Variants in STAT5B observed in about 807,000 individuals in gnomAD.
The protein encoded by STAT5B is signal transducer and activator of transcription 5B.
STAT5B carries 21 observed loss-of-function variants against 107.8 expected under a neutral mutation model. The observed-to-expected ratio is 0.19, with a 90% confidence interval of 0.14 to 0.28. The LOEUF (loss-of-function observed/expected upper bound fraction) is 0.28. Among genes scored for constraint, STAT5B ranks in the 10% least tolerant of loss-of-function variants. The pLI is 1.00. For synonymous variants in STAT5B, 325 were observed against 401.7 expected (o/e 0.81, Z 2.28); for missense variants, 565 against 1,008.2 (o/e 0.56, Z 5.95).
chr17:42,269,462 C>CTGGGG (rs2080703675), intron 1 of STAT5B: 1 of 152,156 alleles, frequency 6.6e-6, no homozygotes, highest in African/African-American at 2.4e-5. Flanking sequence ...CCAGTGAAGG[C>CTGGGG]TTTTAAAACT....
chr17:42,244,163 C>G (rs2080430634), intron 1 of STAT5B, among the ~76,000 whole-genome samples: 2 of 151,140 alleles, frequency 1.3e-5, no homozygotes. Flanking sequence ...TCACTGCTCA[C>G]TGCAGTCTCA....
chr17:42,268,422 A>G (rs922669721), intron 1 of STAT5B, among the ~76,000 whole-genome samples: 2 of 152,166 alleles, frequency 1.3e-5, no homozygotes, highest in East Asian at 1.9e-4. Context: ...AGTACCCTCT[A>G]TGATGGTACC....
At position 42,273,638 on chromosome 17, in the gene STAT5B, A is replaced by G. The variant is rs576378442; in HGVS notation, c.-11+2610T>C. Among the ~76,000 whole-genome samples, 14 of 152,342 alleles carry G rather than the reference A, an allele frequency of 9.2e-5. No individual in the cohort carries two copies. The South Asian group carries it at 2.5e-3, about 27-fold the overall frequency. ...TACAGACATTTTTGTAGGGCACGAA[A>G]ATAGTTAGGCTTCCTTCGATTCCAC... On this transcript the variant is annotated intron_variant, in intron 1 of 18. Transcript: ENST00000293328.
chr17:42,273,870 A>G (rs780191213), intron 1 of STAT5B, among the ~76,000 whole-genome samples: 1 of 152,240 alleles, frequency 6.6e-6, no homozygotes, highest in Non-Finnish European at 1.5e-5. Context: ...CTTAAGTATC[A>G]AAAAGTAATA....
At chr17:42,266,172 A>G (rs1213245370) in intron 1 of STAT5B, among the ~76,000 whole-genome samples, 2 of 152,114 alleles carry the variant, frequency 1.3e-5, no homozygotes, top group South Asian at 4.1e-4. Flanking sequence ...AAATTTACCA[A>G]TAAAACTGGA....
In STAT5B at chr17:42,212,403, T is replaced by C. The variant is rs141045566; in HGVS notation, c.1474-213A>G. The stretch of plus-strand genomic sequence containing the variant: ...TTACACACAACTAGAAGGTAACCCA[T>C]GCTATCCATGCTGTTTTGTAAATGA... On this transcript the variant is annotated intron_variant, in intron 12 of 18. Transcript: ENST00000293328. Among the ~76,000 whole-genome samples, 927 of 152,362 alleles carry C rather than the reference T, an allele frequency of 6.1e-3. 7 individuals carry two copies. Among genetic ancestry groups the C allele is most frequent in the South Asian group, 0.011 (52 of 4,830 alleles).
chr17:42,208,338 A>G (rs2080102625), intron 15 of STAT5B, among the ~76,000 whole-genome samples: 1 of 151,870 alleles, frequency 6.6e-6, no homozygotes, highest in Non-Finnish European at 1.5e-5. Flanking sequence ...TGTCTCTACT[A>G]AAAATACAAA....
At chr17:42,274,915 T>C (rs1335417495) in intron 1 of STAT5B, 1 of 152,126 alleles carries the variant, frequency 6.6e-6, no homozygotes, top group Non-Finnish European at 1.5e-5. Context: ...AAGCAGACCA[T>C]AAACACCACT....
intron 1 of STAT5B, among the ~76,000 whole-genome samples, chr17:42,256,474 G>C (rs1490868055): frequency 1.3e-5 from 2 of 152,158 alleles, no homozygotes; most frequent in East Asian, 1.9e-4. Flanking sequence ...TGAGATTAAA[G>C]GGGAATACAA....
At chr17:42,268,921 G>A (rs2080697649) in intron 1 of STAT5B, among the ~76,000 whole-genome samples, 1 of 152,098 alleles carries the variant, frequency 6.6e-6, no homozygotes, top group African/African-American at 2.4e-5. Context: ...CCAATTTTTA[G>A]TACTTTAAGA....
rs199645527 is a variant in STAT5B at position 42,227,534 on chromosome 17, G to A, written c.280C>T (p.Leu94Phe). The A allele has an allele frequency of 8.5e-5, 137 of 1,613,252 alleles. No homozygotes were observed. The East Asian group carries it at 2.4e-3, about 29-fold the overall frequency. ...KIKLGHYATQ[L>F]QNTYDRCPME... ...ACCCCAGAGCCCACACCCACCTGGA[G>A]CTGTGTGGCATAGTGCCCCAGCTTG... The change falls in exon 3 of 19, where the codon CTC becomes TTC. Residue 94 changes from leucine (L) to phenylalanine (F), a missense_variant. Transcript: ENST00000293328.
At chr17:42,252,833 T>C (rs1217753667) in intron 1 of STAT5B, among the ~76,000 whole-genome samples, 1 of 152,198 alleles carries the variant, frequency 6.6e-6, no homozygotes, top group African/African-American at 2.4e-5. Flanking sequence ...ACATGAAATA[T>C]GATGATGCTA....
At chr17:42,254,994 G>C (rs2080530624) in intron 1 of STAT5B, among the ~76,000 whole-genome samples, 1 of 152,154 alleles carries the variant, frequency 6.6e-6, no homozygotes, top group Non-Finnish European at 1.5e-5. Context: ...GGGAGGCTGA[G>C]GCAGGAGAAC....
At chr17:42,253,334 C>A (rs2080515430) in intron 1 of STAT5B, among the ~76,000 whole-genome samples, 1 of 152,178 alleles carries the variant, frequency 6.6e-6, no homozygotes, top group Non-Finnish European at 1.5e-5. Context: ...AAATGACAAG[C>A]TGCTTGCTCA....
chr17:42,284,852 C>G, the STAT5B span, among the ~76,000 whole-genome samples: 5 of 152,220 alleles, frequency 3.3e-5, no homozygotes, highest in Admixed American at 3.3e-4. Context: ...GGCCAGACAG[C>G]TTTGGGCAGG....
Position 42,199,525 on chromosome 17 carries a change from G to T in STAT5B, c.*2213C>A, listed in dbSNP as rs543521202. On this transcript the variant is annotated 3_prime_UTR_variant, in exon 19 of 19. Coordinates refer to ENST00000293328, the MANE Select transcript of STAT5B (RefSeq NM_012448.4). ...TCTGGGAGTGGGTGAGAGGCTGATG[G>T]GGTCGAGACACACCACTACCTTTAT... 40 of 152,428 alleles carry T rather than the reference G, an allele frequency of 2.6e-4. No individual in the cohort carries two copies. The highest frequency in any genetic ancestry group is 9.1e-4 in the African/African-American group (38 of 41,558). 9.4% of individuals were successfully genotyped at this position (152,428 alleles called of 1,614,324 possible). A position where few individuals can be genotyped will look rare whatever the true frequency, so the allele number is the denominator to read the frequency against.
At chr17:42,223,198 G>A (rs1330336201) in intron 5 of STAT5B, among the ~76,000 whole-genome samples, 184 bp downstream of exon 5, 1 of 152,090 alleles carries the variant, frequency 6.6e-6, no homozygotes, top group Non-Finnish European at 1.5e-5. Flanking sequence ...GGGGGGTCCT[G>A]TCATCTCCCC....
intron 1 of STAT5B, among the ~76,000 whole-genome samples, chr17:42,248,040 G>A (rs932486131): frequency 6.6e-6 from 1 of 151,926 alleles, no homozygotes; most frequent in African/African-American, 2.4e-5. Flanking sequence ...CACTCTGGGA[G>A]GCCGAGATGG....
At position 42,201,281 on chromosome 17, in the gene STAT5B, C is replaced by A; in HGVS notation, c.*457G>T. ...TCACGGTTATATATCAATTGCTTGG[C>A]AGACAGAGTGACGAAGACTCACTGG... On this transcript the variant is annotated 3_prime_UTR_variant, in exon 19 of 19. Transcript: ENST00000293328. The A allele has an allele frequency of 2.1e-6, 1 of 483,048 alleles. No individual in the cohort carries two copies. The highest frequency in any genetic ancestry group is 3.6e-6 in the Non-Finnish European group (1 of 275,122). The allele number at this position is 483,048 out of a possible 1,614,324, so 29.9% of individuals were successfully genotyped here.
Sources: allele counts gnomAD v4.1 joint callset (sites outside exome capture counted in the v4.1 genomes callset), GRCh38; gene constraint gnomAD v4.1.1; transcripts MANE v1.5; gene names NCBI Gene and HGNC (gene_info 2026-07-23, HGNC 2026-07-21).